The following WIPF2 variants were observed in gnomAD, a reference collection of about 807,000 sequenced individuals.
WIPF2 encodes WAS/WASL-interacting protein family member 2.
A neutral mutation model predicts 38.8 loss-of-function variants in WIPF2; 23 were observed. The observed-to-expected ratio is 0.59, with a 90% confidence interval of 0.43 to 0.84. The LOEUF is 0.84. Among genes scored for constraint, WIPF2 ranks in the 40% least tolerant of loss-of-function variants. The probability of loss-of-function intolerance (pLI) is 0.00; values close to 1 mark genes in which losing one functional copy is unlikely to be tolerated. For synonymous variants in WIPF2, 210 were observed against 223.2 expected, an observed-to-expected ratio of 0.94 and a Z score of 0.53; for missense variants, 574 against 580.5, an observed-to-expected ratio of 0.99 and a Z score of 0.11.
chr17:40,248,914 C>G (rs1278165066), intron 1 of WIPF2, among the ~76,000 whole-genome samples: 1 of 152,146 alleles, frequency 6.6e-6, no homozygotes, highest in Non-Finnish European at 1.5e-5. Context: ...TTTGATATCT[C>G]AGATTCCTAT....
intron 4 of WIPF2, among the ~76,000 whole-genome samples, chr17:40,263,962 A>G (rs2031995307): frequency 6.6e-6 from 1 of 152,200 alleles, no homozygotes; most frequent in Admixed American, 6.5e-5. Context: ...CCATAAATAC[A>G]TAAAATTATT....
At position 40,262,640 on chromosome 17, in the gene WIPF2, A is replaced by G. The variant is rs761992936; in HGVS notation, c.312A>G (p.Ser104=). ...KLRPVGAKDG[S]ENLAGKPALQ... is the part of the protein sequence containing the mutation. Reference sequence around the variant, plus strand: ...GACCTGTGGGAGCCAAGGATGGTTCAGGTATCTGATGAGTACTTTCCCAGG... The same window carrying G: ...GACCTGTGGGAGCCAAGGATGGTTCGGGTATCTGATGAGTACTTTCCCAGG... The change falls in exon 4 of 8, where the codon TCA becomes TCG. Residue 104 remains serine, a splice_region_variant and synonymous_variant. Transcript: ENST00000323571. 2 of 1,612,176 alleles carry G rather than the reference A, an allele frequency of 1.2e-6. No individual in the cohort carries two copies. Among genetic ancestry groups the G allele is most frequent in the Non-Finnish European group, 8.5e-7 (1 of 1,178,546 alleles).
chr17:40,272,591 C>T (rs545493838), intron 5 of WIPF2, among the ~76,000 whole-genome samples: 7 of 152,126 alleles, frequency 4.6e-5, no homozygotes, highest in Admixed American at 2.0e-4. Flanking sequence ...TGGAGGGACT[C>T]AGAAGAAAAT....
At chr17:40,267,182 T>G (rs772901943) in intron 5 of WIPF2, among the ~76,000 whole-genome samples, 23 of 151,074 alleles carry the variant, frequency 1.5e-4, no homozygotes, top group Non-Finnish European at 2.2e-4. Context: ...ATTAGTCTCA[T>G]GTGTTCAGTT....
chr17:40,237,717 C>T (rs996168079), intron 1 of WIPF2, among the ~76,000 whole-genome samples: 2 of 149,690 alleles, frequency 1.3e-5, no homozygotes, highest in African/African-American at 4.9e-5. Context: ...GTGATCTCGG[C>T]TCACTGCAAC....
chr17:40,242,810 A>G (rs2031237051), intron 1 of WIPF2, among the ~76,000 whole-genome samples: 1 of 152,170 alleles, frequency 6.6e-6, no homozygotes, highest in Non-Finnish European at 1.5e-5. Context: ...ACTTTGAACT[A>G]TTACTGATTT....
rs1175812768 is a variant in WIPF2 at position 40,282,278 on chromosome 17, T to C, written c.*4053T>C. ...CTTGATAACTGCTGTTTCTTTCTAC[T>C]CTTGTTTCTGGCAATTTAGTGGGTT... On this transcript the variant is annotated 3_prime_UTR_variant, in exon 8 of 8. Coordinates refer to ENST00000323571, the MANE Select transcript of WIPF2 (RefSeq NM_133264.5). The C allele has an allele frequency of 6.6e-6, 1 of 152,232 alleles. No homozygotes were observed. Among genetic ancestry groups the C allele is most frequent in the African/African-American group, 2.4e-5 (1 of 41,454 alleles). The allele number at this position is 152,232 out of a possible 1,614,324, so 9.4% of individuals were successfully genotyped here. A position where few individuals can be genotyped will look rare whatever the true frequency, so the allele number is the denominator to read the frequency against.
At position 40,280,610 on chromosome 17, in the gene WIPF2, T is replaced by C. The variant is rs2032525396; in HGVS notation, c.*2385T>C. 6.6e-6 allele frequency: 1 copy of C among 152,648 alleles called. No individual in the cohort carries two copies. Among genetic ancestry groups the C allele is most frequent in the Non-Finnish European group, 1.5e-5 (1 of 68,044 alleles). The allele number at this position is 152,648 out of a possible 1,614,324, so 9.5% of individuals were successfully genotyped here. ...TTTGACTGTGAAGTCTTCCCATTTATTTTTGAAATGGGAGTCGATGCCTTT... is the reference window on the plus strand; with the variant it reads ...TTTGACTGTGAAGTCTTCCCATTTACTTTTGAAATGGGAGTCGATGCCTTT... On this transcript the variant is annotated 3_prime_UTR_variant, in exon 8 of 8. Coordinates refer to ENST00000323571, the MANE Select transcript of WIPF2 (RefSeq NM_133264.5).
rs2031736016 is a variant in WIPF2, at chr17:40,256,518, A to G, written c.59A>G (p.His20Arg). The change falls in exon 2 of 8, where the codon CAT becomes CGT. Residue 20 changes from histidine (H) to arginine (R), a missense_variant. By Grantham distance (29) the His-to-Arg change is conservative (BLOSUM62 0). Coordinates refer to ENST00000323571, the MANE Select transcript of WIPF2 (RefSeq NM_133264.5). Reference sequence around the variant, plus strand: ...GGTCCTCCTCCACCTCCCACATTTCATCAGGTAGGTAGTCCTTCCATTAGG... The same window carrying G: ...GGTCCTCCTCCACCTCCCACATTTCGTCAGGTAGGTAGTCCTTCCATTAGG... The part of the protein sequence containing the change: ...PPGPPPPPTF[H>R]QANTEQPKLS... The G allele has an allele frequency of 6.2e-7, 1 of 1,604,294 alleles. No homozygotes were observed. Among genetic ancestry groups the G allele is most frequent in the Non-Finnish European group, 8.5e-7 (1 of 1,176,440 alleles).
chr17:40,237,106 G>A (rs2031001249), intron 1 of WIPF2, among the ~76,000 whole-genome samples: 1 of 151,584 alleles, frequency 6.6e-6, no homozygotes, highest in Non-Finnish European at 1.5e-5. Flanking sequence ...AAATTTTCTT[G>A]TATTATTTCT....
At chr17:40,225,587 C>T (rs147464826) in intron 1 of WIPF2, among the ~76,000 whole-genome samples, 1 of 152,290 alleles carries the variant, frequency 6.6e-6, no homozygotes, top group East Asian at 1.9e-4. Context: ...AGTAAATACT[C>T]TCTTGTTTTT....
intron 4 of WIPF2, 145 bp from the exon 5 acceptor site, chr17:40,264,345 A>AAG (rs1950691653): frequency 1.5e-6 from 1 of 666,966 alleles, no homozygotes; most frequent in African/African-American, 1.9e-5. Context: ...AAAAAAAAAA[A>AAG]AAAAAAAAGA....
At chr17:40,245,346 C>CTT (rs537431593) in intron 1 of WIPF2, among the ~76,000 whole-genome samples, 3 of 143,704 alleles carry the variant, frequency 2.1e-5, no homozygotes, top group East Asian at 4.0e-4. Context: ...CCAGATAATT[C>CTT]TTTTTTTTTT....
chr17:40,262,629 A>G lies in WIPF2; in HGVS notation c.301A>G (p.Lys101Glu). The part of the protein sequence containing the change: ...GVLKLRPVGA[K>E]DGSENLAGKP... ...GCTGAAGCTTCGACCTGTGGGAGCC[A>G]AGGATGGTTCAGGTATCTGATGAGT... is the stretch of plus-strand genomic sequence containing the variant. The change falls in exon 4 of 8, where the codon AAG becomes GAG. Residue 101 changes from lysine to glutamate, a missense_variant. Coordinates refer to ENST00000323571, the MANE Select transcript of WIPF2 (RefSeq NM_133264.5). 1 of 1,613,678 alleles carries G rather than the reference A, an allele frequency of 6.2e-7. No homozygotes were observed. The highest frequency in any genetic ancestry group is 8.5e-7 in the Non-Finnish European group (1 of 1,179,666).
intron 1 of WIPF2, among the ~76,000 whole-genome samples, chr17:40,240,314 C>T (rs1439770868): frequency 4.6e-5 from 7 of 152,046 alleles, no homozygotes; most frequent in African/African-American, 7.2e-5. Flanking sequence ...ATCCACCTGC[C>T]TCGGCCTCCC....
chr17:40,265,473 C>T (rs2032059988), intron 5 of WIPF2, among the ~76,000 whole-genome samples: 1 of 152,086 alleles, frequency 6.6e-6, no homozygotes, highest in South Asian at 2.1e-4. Context: ...CAGGACAGTC[C>T]TTACTGATAC....
At chr17:40,251,288 T>C (rs2145350249) in intron 1 of WIPF2, among the ~76,000 whole-genome samples, 1 of 152,254 alleles carries the variant, frequency 6.6e-6, no homozygotes, top group African/African-American at 2.4e-5. Flanking sequence ...TCACAGTTGG[T>C]TAGTGAAATT....
At chr17:40,255,695 C>T (rs2145361330) in intron 1 of WIPF2, among the ~76,000 whole-genome samples, 1 of 142,942 alleles carries the variant, frequency 7.0e-6, no homozygotes, top group South Asian at 2.2e-4. Flanking sequence ...GTGGCACCAT[C>T]TCGGCTCACT....
At chr17:40,228,322 T>C (rs1382657706) in intron 1 of WIPF2, among the ~76,000 whole-genome samples, 2 of 152,150 alleles carry the variant, frequency 1.3e-5, no homozygotes, top group Non-Finnish European at 2.9e-5. Context: ...GCCATTTTTA[T>C]ACCTCTTTTG....
Sources: allele counts gnomAD v4.1 joint callset (sites outside exome capture counted in the v4.1 genomes callset), GRCh38; gene constraint gnomAD v4.1.1; transcripts MANE v1.5; gene names NCBI Gene and HGNC (gene_info 2026-07-23, HGNC 2026-07-21).